Variants in TECTB observed in about 807,000 individuals in gnomAD.
The protein encoded by TECTB is beta-tectorin.
Under a neutral mutation model 43.3 loss-of-function variants are expected in TECTB, and 45 were observed. The ratio of observed to expected loss-of-function variants is 1.04; its 90% CI spans 0.82 to 1.33. The LOEUF (loss-of-function observed/expected upper bound fraction) is 1.33. Ranked by LOEUF, TECTB falls within the 40% of genes most tolerant of loss-of-function variation. The pLI is 0.00. For synonymous variants in TECTB, 169 were observed against 156.7 expected (o/e 1.08, Z -0.59); for missense variants, 399 against 404.7 (o/e 0.99, Z 0.12).
chr10:112,290,330 G>A (rs967803248), intron 5 of TECTB, among the ~76,000 whole-genome samples: 1 of 152,098 alleles, frequency 6.6e-6, no homozygotes, highest in African/African-American at 2.4e-5. Context: ...TATCTCCTGT[G>A]GATAAAGGAA....
At chr10:112,296,176 C>A (rs1464806493) in intron 7 of TECTB, among the ~76,000 whole-genome samples, 6 of 151,906 alleles carry the variant, frequency 3.9e-5, no homozygotes, top group Non-Finnish European at 8.8e-5. Context: ...AAAAAAAAAA[C>A]CCAGTTTGCA....
chr10:112,285,441 G>A (rs563576923), intron 3 of TECTB, among the ~76,000 whole-genome samples: 2 of 152,224 alleles, frequency 1.3e-5, no homozygotes, highest in East Asian at 3.9e-4. Context: ...CTTTCTAAAG[G>A]CCTCACAAGG....
intron 8 of TECTB, 30 bp downstream of exon 8, chr10:112,298,261 T>TTAC (rs1272259151): frequency 7.5e-6 from 12 of 1,598,782 alleles, no homozygotes; most frequent in Non-Finnish European, 9.4e-6. Context: ...AAGGACAATG[T>TTAC]TACCTAAAGG....
At chr10:112,301,221 G>A (rs542963721) in intron 9 of TECTB, among the ~76,000 whole-genome samples, 2 of 152,210 alleles carry the variant, frequency 1.3e-5, no homozygotes, top group East Asian at 1.9e-4. Flanking sequence ...TCAGGAGTTC[G>A]AGACCAGCCT....
chr10:112,291,051 C>T (rs1436224576), intron 5 of TECTB, among the ~76,000 whole-genome samples: 1 of 152,090 alleles, frequency 6.6e-6, no homozygotes, highest in Non-Finnish European at 1.5e-5. Flanking sequence ...AAGTTTGTTA[C>T]ACTGGTAAAC....
At position 112,286,114 on chromosome 10, in the gene TECTB, A is replaced by G. The variant is rs1222528629; in HGVS notation, c.311A>G (p.Asn104Ser). 2 of 1,613,994 alleles carry G rather than the reference A, an allele frequency of 1.2e-6. No individual in the cohort carries two copies. The highest frequency in any genetic ancestry group is 1.7e-5 in the Admixed American group (1 of 60,002). The change falls in exon 4 of 11, where the codon AAT (asparagine) becomes AGT (serine). Residue 104 changes from asparagine (N) to serine (S), a missense_variant. Coordinates refer to ENST00000646139, the MANE Select transcript of TECTB (RefSeq NM_058222.3). ...CACTTCTACAGTCACATCGTTTCCA[A>G]TGACACCACAGTGATTGTAAAAAAC... ...IYHFYSHIVS[N>S]DTTVIVKNQP...
At chr10:112,296,498 T>C (rs925015406) in intron 7 of TECTB, among the ~76,000 whole-genome samples, 1 of 152,180 alleles carries the variant, frequency 6.6e-6, no homozygotes, top group Admixed American at 6.5e-5. Flanking sequence ...CCTGGGGCAC[T>C]CTGGCTGCAA....
At chr10:112,298,265 C>T (rs1343979452) in intron 8 of TECTB, 34 bp downstream of exon 8, 4 of 1,593,196 alleles carry the variant, frequency 2.5e-6, no homozygotes, top group Non-Finnish European at 3.4e-6. Context: ...ACAATGTTAC[C>T]TAAAGGGTGC....
In TECTB at chr10:112,302,091, C is replaced by T; in HGVS notation, c.908-10C>T. ...TTAAACTTTCTGCATTCTCTCTTTA[C>T]TCACTACAGGCAGGGGATTTTCCAG... On this transcript the variant is annotated splice_polypyrimidine_tract_variant and intron_variant, in intron 9 of 10. Coordinates refer to ENST00000646139, the MANE Select transcript of TECTB (RefSeq NM_058222.3). 1 of 1,613,836 alleles carries T rather than the reference C, an allele frequency of 6.2e-7. No individual in the cohort carries two copies. The highest frequency in any genetic ancestry group is 8.5e-7 in the Non-Finnish European group (1 of 1,179,836).
rs373629258 is a variant in TECTB at position 112,284,515 on chromosome 10, T to C, written c.77-20T>C. 1.9e-6 allele frequency: 3 copies of C among 1,575,122 alleles called. No individual in the cohort carries two copies. Among genetic ancestry groups the C allele is most frequent in the African/African-American group, 2.7e-5 (2 of 74,036 alleles). The stretch of plus-strand genomic sequence containing the variant: ...ATGATTACCCTAACTGATTTTAAAC[T>C]ATATGTGTGCTCTTTCCAGATGTCA... On this transcript the variant is annotated intron_variant, in intron 2 of 10. Coordinates refer to ENST00000646139, the MANE Select transcript of TECTB (RefSeq NM_058222.3).
At position 112,304,884 on chromosome 10, in the gene TECTB, A is replaced by G. The variant is rs1342585913; in HGVS notation, c.*1572A>G. On this transcript the variant is annotated 3_prime_UTR_variant, in exon 11 of 11. Coordinates refer to ENST00000646139, the MANE Select transcript of TECTB (RefSeq NM_058222.3). ...ACATATTTTATTGGTTCTAGTAGAA[A>G]ACTCTTAAATAGCATACTCATAGCC... The G allele has an allele frequency of 6.6e-6, 1 of 152,220 alleles. No homozygotes were observed. Among genetic ancestry groups the G allele is most frequent in the African/African-American group, 2.4e-5 (1 of 41,460 alleles). 9.4% of individuals were successfully genotyped at this position (152,220 alleles called of 1,614,324 possible).
In TECTB at chr10:112,299,552, C is replaced by G. The variant is rs774711816; in HGVS notation, c.895C>G (p.Leu299Val). The change falls in exon 9 of 11, where the codon CTC (leucine) becomes GTC (valine). Residue 299 changes from leucine (L) to valine (V), a missense_variant. Coordinates refer to ENST00000646139, the MANE Select transcript of TECTB (RefSeq NM_058222.3). Reference sequence around the variant, plus strand: ...GACCGGGGGAGTCCTGGTCGTGGAGCTCTCCCTGCGGAGTAAGCGTCTCTG... The same window carrying G: ...GACCGGGGGAGTCCTGGTCGTGGAGGTCTCCCTGCGGAGTAAGCGTCTCTG... ...DQTGGVLVVELSLRSRGFSSL... is the reference protein window; with the variant it reads ...DQTGGVLVVEVSLRSRGFSSL... 15 of 1,610,240 alleles carry G rather than the reference C, an allele frequency of 9.3e-6. 1 individual carries two copies. The highest frequency in any genetic ancestry group is 3.3e-4 in the Middle Eastern group (2 of 6,058).
At chr10:112,296,966 C>T (rs1222851590) in intron 7 of TECTB, among the ~76,000 whole-genome samples, 1 of 152,170 alleles carries the variant, frequency 6.6e-6, no homozygotes, top group Non-Finnish European at 1.5e-5. Context: ...GACCCTGCTA[C>T]CCCGTGCTAC....
chr10:112,291,952 C>G (rs569722451), intron 5 of TECTB, among the ~76,000 whole-genome samples: 1 of 151,976 alleles, frequency 6.6e-6, no homozygotes, highest in African/African-American at 2.4e-5. Flanking sequence ...CTGGCTAACA[C>G]GGTGAAACCC....
chr10:112,300,230 T>TA lies in TECTB; in HGVS notation c.907+669dup, dbSNP rs140076890. Among the ~76,000 whole-genome samples the TA allele has an allele frequency of 2.4e-4, 13 of 55,032 alleles. No individual in the cohort carries two copies. In the East Asian group the frequency reaches 2.4e-3, roughly 10 times the overall value. 36.1% of individuals were successfully genotyped at this position (55,032 alleles called of 152,430 possible). A position where few individuals can be genotyped will look rare whatever the true frequency, so the allele number is the denominator to read the frequency against. ...AGACAGACAGACAGACAGAAAGAAA[T>TA]AAAGAAAGAAAGAAAGAAAGAAAGA... On this transcript the variant is annotated intron_variant, in intron 9 of 10. Coordinates refer to ENST00000646139, the MANE Select transcript of TECTB (RefSeq NM_058222.3).
Position 112,303,484 on chromosome 10 carries a change from T to C in TECTB, c.*172T>C. On this transcript the variant is annotated 3_prime_UTR_variant, in exon 11 of 11. Coordinates refer to ENST00000646139, the MANE Select transcript of TECTB (RefSeq NM_058222.3). ...ATTTCTGTGAATTTGGTGATGCCTTTTTCTTTCTAAGAAAAACTTAGGCTA... is the reference window on the plus strand; with the variant it reads ...ATTTCTGTGAATTTGGTGATGCCTTCTTCTTTCTAAGAAAAACTTAGGCTA... 1 of 775,824 alleles carries C rather than the reference T, an allele frequency of 1.3e-6. No individual in the cohort carries two copies. The highest frequency in any genetic ancestry group is 1.9e-5 in the South Asian group (1 of 52,358). The allele number at this position is 775,824 out of a possible 1,614,324, so 48.1% of individuals were successfully genotyped here. A position where few individuals can be genotyped will look rare whatever the true frequency, so the allele number is the denominator to read the frequency against.
intron 3 of TECTB, 125 bp from the exon 4 acceptor site, chr10:112,285,946 A>G (rs751031287): frequency 3.4e-5 from 40 of 1,191,636 alleles, no homozygotes; most frequent in Non-Finnish European, 4.7e-5. Flanking sequence ...TGCCACCGTC[A>G]GTGGCAGACA....
chr10:112,299,027 A>G (rs187111889), intron 8 of TECTB, among the ~76,000 whole-genome samples: 1 of 152,382 alleles, frequency 6.6e-6, no homozygotes, highest in Admixed American at 6.5e-5. Context: ...GAAAGAAACC[A>G]GAGAGTGCAG....
Position 112,298,097 on chromosome 10 carries a change from C to A in TECTB, c.700C>A (p.His234Asn), listed in dbSNP as rs751787815. Residue 234 changes from histidine (H) to asparagine (N), a missense_variant, in exon 8 of 11, where the codon CAT (histidine) becomes AAT (asparagine). By Grantham distance (68) the His-to-Asn change is moderately conservative. Coordinates refer to ENST00000646139, the MANE Select transcript of TECTB (RefSeq NM_058222.3). ...CCCCACGGATGAAACCGTCCTCGTG[C>A]ATGAGAATGGGAGAGATCACAGGGC... ...GCPTDETVLVHENGRDHRATF... is the reference protein window; with the variant it reads ...GCPTDETVLVNENGRDHRATF... 4 of 1,614,112 alleles carry A rather than the reference C, an allele frequency of 2.5e-6. No individual in the cohort carries two copies. In the African/African-American group the frequency reaches 5.3e-5, roughly 22 times the overall value.
Sources: allele counts gnomAD v4.1 joint callset (sites outside exome capture counted in the v4.1 genomes callset), GRCh38; gene constraint gnomAD v4.1.1; transcripts MANE v1.5; gene names NCBI Gene and HGNC (gene_info 2026-07-23, HGNC 2026-07-21).